TET2: variants seen among roughly 807,000 people sequenced by gnomAD.
TET2 encodes the protein tet methylcytosine dioxygenase 2, also known as methylcytosine dioxygenase TET2.
A neutral mutation model predicts 142.9 loss-of-function variants in TET2; 299 were observed. The ratio of observed to expected loss-of-function variants is 2.09; its 90% CI spans 1.90 to 2.30. The LOEUF (loss-of-function observed/expected upper bound fraction) is 2.30, where lower values mean the gene tolerates loss of function less well. Among genes scored for constraint, TET2 ranks in the 30% most tolerant of loss-of-function variants. The pLI, the probability that TET2 is intolerant of heterozygous loss-of-function variation, is 0.00. For missense variants in TET2, 2,418 were observed against 2,378.0 expected, an observed-to-expected ratio of 1.02 and a Z score of -0.35; for synonymous variants, 819 against 849.0, an observed-to-expected ratio of 0.96 and a Z score of 0.61.
At chr4:105,179,667 G>T (rs1045672165) in intron 1 of TET2, among the ~76,000 whole-genome samples, 6 of 152,152 alleles carry the variant, frequency 3.9e-5, no homozygotes, top group African/African-American at 1.4e-4. Context: ...GATGATTTGT[G>T]TCACCTCTGA....
chr4:105,201,139 C>T (rs1041739249), intron 2 of TET2, among the ~76,000 whole-genome samples: 8 of 152,112 alleles, frequency 5.3e-5, no homozygotes, highest in Non-Finnish European at 8.8e-5. Flanking sequence ...ACTGAGAATT[C>T]CCTTTAATTA....
chr4:105,155,791 A>G (rs72665916), intron 1 of TET2, among the ~76,000 whole-genome samples: 16,803 of 152,240 alleles, frequency 0.11, 1,191 homozygotes, highest in Non-Finnish European at 0.16. Flanking sequence ...ATAAGGAAGT[A>G]TATTGGCTTT....
In TET2 at chr4:105,276,677, A is replaced by C. The variant is rs1731238787; in HGVS notation, c.*158A>C. 1 of 799,312 alleles carries C rather than the reference A, an allele frequency of 1.3e-6. No homozygotes were observed. The highest frequency in any genetic ancestry group is 1.9e-6 in the Non-Finnish European group (1 of 532,036). 49.5% of individuals were successfully genotyped at this position (799,312 alleles called of 1,614,324 possible). A position where few individuals can be genotyped will look rare whatever the true frequency, so the allele number is the denominator to read the frequency against. On this transcript the variant is annotated 3_prime_UTR_variant, in exon 11 of 11. Coordinates refer to ENST00000380013, the MANE Select transcript of TET2 (RefSeq NM_001127208.3). ...CACCAGCAACAAAAGAGGTTATCTT[A>C]CCATAGCACTTAATTTTCACTGGCT...
chr4:105,148,075 C>T (rs1282885517), intron 1 of TET2, among the ~76,000 whole-genome samples: 1 of 152,198 alleles, frequency 6.6e-6, no homozygotes, highest in Non-Finnish European at 1.5e-5. Context: ...CACACACACA[C>T]ACACACACCT....
At chr4:105,239,074 G>GTTTTTTTT (rs372909927) in intron 3 of TET2, 19 of 211,954 alleles carry the variant, frequency 9.0e-5, no homozygotes, top group African/African-American at 3.8e-4. Flanking sequence ...TTTGTTTTTT[G>GTTTTTTTT]TTTTTTTTTT....
chr4:105,200,755 G>A (rs537428036), intron 2 of TET2, among the ~76,000 whole-genome samples: 9 of 152,162 alleles, frequency 5.9e-5, no homozygotes, highest in South Asian at 2.1e-4. Context: ...CCACATTCCG[G>A]GTTCAAGCAA....
At chr4:105,261,701 T>C in intron 7 of TET2, 58 bp from the exon 8 acceptor site, 1 of 1,108,548 alleles carries the variant, frequency 9.0e-7, no homozygotes, top group Middle Eastern at 2.0e-4. Flanking sequence ...TGATAGTCTC[T>C]TTTACATAGA....
intron 1 of TET2, among the ~76,000 whole-genome samples, chr4:105,163,017 G>T (rs939693968): frequency 2.0e-5 from 3 of 151,906 alleles, no homozygotes; most frequent in African/African-American, 7.2e-5. Context: ...TTGCCTAAAA[G>T]GATGAGAAAA....
intron 2 of TET2, among the ~76,000 whole-genome samples, chr4:105,219,895 T>C (rs2110578882): frequency 6.6e-6 from 1 of 152,256 alleles, no homozygotes; most frequent in South Asian, 2.1e-4. Context: ...TATTTCTTTG[T>C]TTTTCCCTTA....
chr4:105,242,700 A>G lies in TET2; in HGVS notation c.3501-134A>G. On this transcript the variant is annotated intron_variant, in intron 4 of 10. Transcript: ENST00000380013. ...CAGTTTGCTTGGCGTAGACCTGTTTAAAAAATAATAAACCGTTCATTTCTC... is the reference window on the plus strand; with the variant it reads ...CAGTTTGCTTGGCGTAGACCTGTTTGAAAAATAATAAACCGTTCATTTCTC... The G allele has an allele frequency of 2.1e-6, 3 of 1,447,712 alleles. No individual in the cohort carries two copies. The South Asian group carries it at 4.8e-5, about 23-fold the overall frequency. The allele number at this position is 1,447,712 out of a possible 1,614,324, so 89.7% of individuals were successfully genotyped here.
At chr4:105,172,016 G>C (rs1319216831) in intron 1 of TET2, among the ~76,000 whole-genome samples, 1 of 152,118 alleles carries the variant, frequency 6.6e-6, no homozygotes, top group African/African-American at 2.4e-5. Flanking sequence ...GTACTGGGGA[G>C]AAAGCCTACT....
In TET2 at chr4:105,236,913, GC is replaced by G; in HGVS notation, c.2973del (p.Cys992ValfsTer15). 1 of 1,614,100 alleles carries G rather than the reference GC, an allele frequency of 6.2e-7. No homozygotes were observed. Among genetic ancestry groups the G allele is most frequent in the Non-Finnish European group, 8.5e-7 (1 of 1,180,024 alleles). ...IKVEPGCKPH[A>X]CMHTAPPENK... ...GGTGGAACCTGGATGCAAGCCACATGCCTGTATGCACACAGCACCACCAGAA... is the reference window on the plus strand; with the variant it reads ...GGTGGAACCTGGATGCAAGCCACATGCTGTATGCACACAGCACCACCAGAA... On this transcript the variant is annotated frameshift_variant, in exon 3 of 11. Transcript: ENST00000380013. LOFTEE classifies it high-confidence loss of function.
chr4:105,159,247 C>A (rs986055624), intron 1 of TET2, among the ~76,000 whole-genome samples: 2 of 147,482 alleles, frequency 1.4e-5, no homozygotes, highest in Middle Eastern at 3.6e-3. Context: ...TTCTTTCTTT[C>A]TTTCTTTTTT....
In TET2 at chr4:105,259,733, A is replaced by G. The variant is rs768330303; in HGVS notation, c.3918A>G (p.Pro1306=). 2 of 1,550,992 alleles carry G rather than the reference A, an allele frequency of 1.3e-6. No individual in the cohort carries two copies. The highest frequency in any genetic ancestry group is 1.2e-5 in the South Asian group (1 of 84,012). The change falls in exon 7 of 11, where the codon CCA becomes CCG. Residue 1306 remains proline, a synonymous_variant. Transcript: ENST00000380013. ...GTAAGTTTGCCAGAAGCAAGATCCC[A>G]AGGAAGTTTAAGCTGCTTGGGGATG... The part of the protein sequence containing the change: ...NGCKFARSKI[P]RKFKLLGDDP...
intron 2 of TET2, among the ~76,000 whole-genome samples, chr4:105,231,702 G>A (rs533711728): frequency 4.4e-4 from 67 of 151,736 alleles, no homozygotes; most frequent in Middle Eastern, 3.4e-3. Flanking sequence ...GTTGTTTTTC[G>A]CCCAAAAAGA....
intron 1 of TET2, among the ~76,000 whole-genome samples, chr4:105,171,140 C>G (rs1019012526): frequency 1.1e-4 from 17 of 152,036 alleles, no homozygotes; most frequent in Non-Finnish European, 2.2e-4. Flanking sequence ...AATCCAGGAG[C>G]ATTTCAGTGT....
At chr4:105,226,475 G>C (rs898332933) in intron 2 of TET2, among the ~76,000 whole-genome samples, 1 of 152,062 alleles carries the variant, frequency 6.6e-6, no homozygotes, top group African/African-American at 2.4e-5. Flanking sequence ...GTTGGAGGTG[G>C]GGGCCTGGTG....
chr4:105,259,702 A>T lies in TET2; in HGVS notation c.3887A>T (p.Asn1296Ile). 1 of 1,551,220 alleles carries T rather than the reference A, an allele frequency of 6.4e-7. No individual in the cohort carries two copies. The highest frequency in any genetic ancestry group is 8.7e-7 in the Non-Finnish European group (1 of 1,146,636). Residue 1296 changes from asparagine (N) to isoleucine (I), a missense_variant, in exon 7 of 11, where the codon AAT becomes ATT. Physicochemically the swap from Asn to Ile is moderately radical, Grantham distance 149 (BLOSUM62 -3). Coordinates refer to ENST00000380013, the MANE Select transcript of TET2 (RefSeq NM_001127208.3). ...GGTTGTTCATGGAGCATGTACTACA[A>T]TGGATGTAAGTTTGCCAGAAGCAAG... ...SFGCSWSMYY[N>I]GCKFARSKIP...
upstream of TET2, chr4:105,146,726 C>T (rs1332069539): frequency 6.6e-6 from 1 of 151,954 alleles, no homozygotes; most frequent in Non-Finnish European, 1.5e-5. Context: ...GCCGCCGCCT[C>T]CTCGCGAGCG....
Sources: gnomAD v4.1 joint callset for allele counts (sites outside exome capture counted in the v4.1 genomes callset) on GRCh38, gnomAD v4.1.1 for gene constraint, MANE v1.5 for transcripts, NCBI Gene and HGNC (gene_info 2026-07-23, HGNC 2026-07-21) for gene names.